Variants in COP1 observed in about 807,000 individuals in gnomAD.
COP1 encodes COP1 E3 ubiquitin ligase.
Under a neutral mutation model 101.3 loss-of-function variants are expected in COP1, and 24 were observed. The observed-to-expected ratio is 0.24, with a 90% CI of 0.17 to 0.33. COP1 has a LOEUF of 0.33. Ranked by LOEUF, COP1 falls within the 10% of genes least tolerant of loss-of-function variation. COP1 has a pLI of 1.00. For synonymous variants in COP1, 347 were observed against 341.9 expected, an observed-to-expected ratio of 1.01 and a Z score of -0.17; for missense variants, 663 against 906.2, an observed-to-expected ratio of 0.73 and a Z score of 3.45.
At chr1:176,020,903 T>A (rs887396837) in intron 15 of COP1, among the ~76,000 whole-genome samples, 1 of 152,222 alleles carries the variant, frequency 6.6e-6, no homozygotes, top group African/African-American at 2.4e-5. Context: ...AGTTATAAAA[T>A]ACTAAATAAG....
intron 6 of COP1, among the ~76,000 whole-genome samples, chr1:176,147,592 G>GA (rs898805249): frequency 2.1e-4 from 32 of 150,866 alleles, no homozygotes; most frequent in African/African-American, 6.3e-4. Flanking sequence ...CAAGAGAAAA[G>GA]AAAAAAAAAT....
intron 11 of COP1, among the ~76,000 whole-genome samples, chr1:176,060,758 G>A: frequency 6.6e-6 from 1 of 152,052 alleles, no homozygotes; most frequent in Non-Finnish European, 1.5e-5. Context: ...CAGTTTAGAA[G>A]AATATTTCAT....
At chr1:176,059,241 T>G (rs1444589244) in intron 11 of COP1, among the ~76,000 whole-genome samples, 1 of 152,238 alleles carries the variant, frequency 6.6e-6, no homozygotes, top group Admixed American at 6.5e-5. Context: ...TGTATGAAAC[T>G]TGTTCACATT....
intron 3 of COP1, among the ~76,000 whole-genome samples, chr1:176,169,326 ATT>A (rs1044813119): frequency 7.2e-5 from 11 of 152,210 alleles, no homozygotes; most frequent in African/African-American, 2.4e-4. Flanking sequence ...TGTAATATTT[ATT>A]TGTTTGATCA....
At chr1:176,028,495 G>A (rs1296908169) in intron 14 of COP1, among the ~76,000 whole-genome samples, 1 of 149,264 alleles carries the variant, frequency 6.7e-6, no homozygotes, top group Non-Finnish European at 1.5e-5. Flanking sequence ...AGTCCAGGAG[G>A]CAGAGGTTGC....
chr1:176,204,985 G>T (rs1473807563), intron 1 of COP1, among the ~76,000 whole-genome samples: 1 of 152,126 alleles, frequency 6.6e-6, no homozygotes, highest in Non-Finnish European at 1.5e-5. Context: ...AGCATAGCCT[G>T]CAGTGCACTG....
intron 11 of COP1, among the ~76,000 whole-genome samples, chr1:176,071,645 T>G (rs1051032015): frequency 3.9e-5 from 6 of 152,202 alleles, no homozygotes; most frequent in Non-Finnish European, 8.8e-5. Context: ...TAAAAAGTCT[T>G]AAGAATGTAT....
chr1:176,162,852 G>T lies in COP1; in HGVS notation c.762+17C>A. On this transcript the variant is annotated intron_variant, in intron 5 of 19. Transcript: ENST00000367669. Reference sequence around the variant, plus strand: ...GTTCATCATTTAAAATTTTTTTTAAGTTTAGCTACCACTTACTGCTTCCAG... The same window carrying T: ...GTTCATCATTTAAAATTTTTTTTAATTTTAGCTACCACTTACTGCTTCCAG... 1 of 1,557,328 alleles carries T rather than the reference G, an allele frequency of 6.4e-7. No individual in the cohort carries two copies. The highest frequency in any genetic ancestry group is 8.7e-7 in the Non-Finnish European group (1 of 1,156,058).
chr1:175,963,456 C>A (rs1340230687), intron 18 of COP1, among the ~76,000 whole-genome samples: 3 of 152,234 alleles, frequency 2.0e-5, no homozygotes, highest in Non-Finnish European at 4.4e-5. Flanking sequence ...CGTTTTACAG[C>A]CAGCCCGACC....
intron 11 of COP1, among the ~76,000 whole-genome samples, chr1:176,065,248 C>G (rs1572024708): frequency 6.6e-6 from 1 of 152,032 alleles, no homozygotes; most frequent in Admixed American, 6.6e-5. Flanking sequence ...TTACTGTGAA[C>G]AGTAGATAGA....
chr1:176,105,863 T>C (rs1203066847), intron 9 of COP1, among the ~76,000 whole-genome samples: 1 of 152,154 alleles, frequency 6.6e-6, no homozygotes, highest in East Asian at 1.9e-4. Flanking sequence ...AATGTATGCA[T>C]CTAAGTGACT....
At chr1:176,197,796 TAG>T (rs760115295) in intron 1 of COP1, among the ~76,000 whole-genome samples, 9 of 152,116 alleles carry the variant, frequency 5.9e-5, no homozygotes, top group Non-Finnish European at 1.3e-4. Context: ...AAAAAATTAT[TAG>T]AACTAGTAAG....
intron 15 of COP1, among the ~76,000 whole-genome samples, chr1:176,002,613 T>A (rs897604419): frequency 4.7e-5 from 7 of 147,912 alleles, no homozygotes; most frequent in Non-Finnish European, 1.0e-4. Flanking sequence ...AGTGTTTGGT[T>A]TTTTGTTCTT....
chr1:176,000,338 G>A (rs1047993796), intron 15 of COP1, among the ~76,000 whole-genome samples: 9 of 150,986 alleles, frequency 6.0e-5, no homozygotes, highest in Non-Finnish European at 1.5e-5. Flanking sequence ...TTTCCCACTG[G>A]CATTTATTGA....
At chr1:176,154,632 G>A (rs1442658333) in intron 5 of COP1, among the ~76,000 whole-genome samples, 5 of 152,108 alleles carry the variant, frequency 3.3e-5, no homozygotes, top group Admixed American at 1.3e-4. Context: ...GGGGCCTATC[G>A]GAGGGTAGAG....
chr1:176,041,452 A>G (rs890777579), intron 14 of COP1, among the ~76,000 whole-genome samples: 1 of 151,308 alleles, frequency 6.6e-6, no homozygotes, highest in Non-Finnish European at 1.5e-5. Flanking sequence ...GGTTCGAACA[A>G]TTCTTGTGCT....
At chr1:175,999,738 G>A (rs984257958) in intron 15 of COP1, among the ~76,000 whole-genome samples, 2 of 151,982 alleles carry the variant, frequency 1.3e-5, no homozygotes, top group Non-Finnish European at 2.9e-5. Context: ...CACTGTACAA[G>A]GGTTCCCTTT....
At position 176,119,641 on chromosome 1, in the gene COP1, T is replaced by TAC. The variant is rs10531356; in HGVS notation, c.969-2962_969-2961dup. 4.1e-3 allele frequency among the ~76,000 whole-genome samples: 611 copies of TAC among 149,818 alleles called. 1 individual carries two copies. Among genetic ancestry groups the TAC allele is most frequent in the African/African-American group, 9.1e-3 (370 of 40,776 alleles). ...GCTTAATATATACATTATACATTCA[T>TAC]ACACACACACACACACACACACATA... On this transcript the variant is annotated intron_variant, in intron 8 of 19. Transcript: ENST00000367669.
intron 1 of COP1, among the ~76,000 whole-genome samples, chr1:176,189,438 T>G (rs75880956): frequency 6.6e-6 from 1 of 152,098 alleles, no homozygotes; most frequent in African/African-American, 2.4e-5. Flanking sequence ...ACAAAAATAC[T>G]TCTTTAAAAT....
Sources: gnomAD v4.1 joint callset for allele counts (sites outside exome capture counted in the v4.1 genomes callset) on GRCh38, gnomAD v4.1.1 for gene constraint, MANE v1.5 for transcripts, NCBI Gene and HGNC (gene_info 2026-07-23, HGNC 2026-07-21) for gene names.